Variants in ITPKB observed in about 807,000 individuals in gnomAD.
ITPKB encodes the protein IP3 3-kinase B.
A neutral mutation model predicts 69.4 loss-of-function variants in ITPKB; 13 were observed. The ratio of observed to expected loss-of-function variants is 0.19; its 90% CI spans 0.12 to 0.30. The LOEUF (loss-of-function observed/expected upper bound fraction) is 0.30. Among genes scored for constraint, ITPKB ranks in the 10% least tolerant of loss-of-function variants. The pLI, the probability that ITPKB is intolerant of heterozygous loss-of-function variation, is 1.00. For missense variants in ITPKB, 1,240 were observed against 1,250.5 expected, an observed-to-expected ratio of 0.99 and a Z score of 0.13; for synonymous variants, 584 against 513.7, an observed-to-expected ratio of 1.14 and a Z score of -1.85.
At chr1:226,717,083 G>A (rs990433812) in intron 2 of ITPKB, among the ~76,000 whole-genome samples, 2 of 151,908 alleles carry the variant, frequency 1.3e-5, no homozygotes, top group Admixed American at 6.6e-5. Context: ...GTATATCACC[G>A]GGCAGAAAAA....
At chr1:226,732,102 CAAAAAAAAAAA>C (rs532778037) in intron 2 of ITPKB, among the ~76,000 whole-genome samples, 2 of 76,298 alleles carry the variant, frequency 2.6e-5, no homozygotes, top group African/African-American at 9.3e-5. Flanking sequence ...TAGTCAACAT[CAAAAAAAAAAA>C]AAAAAAAAGC....
Position 226,632,053 on chromosome 1 carries a change from T to G in ITPKB, c.*2618A>C, listed in dbSNP as rs1668740242. The G allele has an allele frequency of 6.6e-6, 1 of 152,316 alleles. No individual in the cohort carries two copies. Among genetic ancestry groups the G allele is most frequent in the Non-Finnish European group, 1.5e-5 (1 of 67,974 alleles). 9.4% of individuals were successfully genotyped at this position (152,316 alleles called of 1,614,324 possible). A position where few individuals can be genotyped will look rare whatever the true frequency, so the allele number is the denominator to read the frequency against. The stretch of plus-strand genomic sequence containing the variant: ...CAAAGCTTTCAAGGAGAAACAAGAG[T>G]CCAGCCTTTCGGTCTTAGTGTTCTG... On this transcript the variant is annotated 3_prime_UTR_variant, in exon 8 of 8. Transcript: ENST00000429204.
chr1:226,658,177 A>G (rs1287517395), intron 2 of ITPKB, among the ~76,000 whole-genome samples: 2 of 152,248 alleles, frequency 1.3e-5, no homozygotes, highest in African/African-American at 4.8e-5. Flanking sequence ...TTTCTAAAAA[A>G]GCAGTTAGGG....
Position 226,634,986 on chromosome 1 carries a change from G to T in ITPKB, c.2626-100C>A, listed in dbSNP as rs1187445165. On this transcript the variant is annotated intron_variant, in intron 7 of 7. Transcript: ENST00000429204. The surrounding 1 kb of genome is among the most constrained non-coding windows in gnomAD (Gnocchi z 6.3). ...TGACCAGGTGGGGAGGCTCGCTCAG[G>T]CCGGACAGTTGGGTGCCTGCAATTC... 2.8e-5 allele frequency: 24 copies of T among 864,918 alleles called. No homozygotes were observed. The highest frequency in any genetic ancestry group is 3.8e-5 in the Non-Finnish European group (21 of 557,568). 53.6% of individuals were successfully genotyped at this position (864,918 alleles called of 1,614,324 possible).
chr1:226,681,581 TA>T (rs199581378), intron 2 of ITPKB, among the ~76,000 whole-genome samples: 1,682 of 152,266 alleles, frequency 0.011, 34 homozygotes, highest in African/African-American at 0.039. Context: ...TACAGAAAAA[TA>T]CCTATATTGA....
chr1:226,716,796 A>G (rs1657107673), intron 2 of ITPKB, among the ~76,000 whole-genome samples: 1 of 152,356 alleles, frequency 6.6e-6, no homozygotes, highest in South Asian at 2.1e-4. Context: ...CTGGGTGGAA[A>G]GCCTGTGGTC....
chr1:226,643,472 G>T (rs1175408715), intron 4 of ITPKB, among the ~76,000 whole-genome samples: 1 of 152,148 alleles, frequency 6.6e-6, no homozygotes, highest in Non-Finnish European at 1.5e-5. Context: ...GCTGCCCACA[G>T]AGGCCCCGCC....
intron 2 of ITPKB, among the ~76,000 whole-genome samples, chr1:226,667,818 T>C (rs1383527679): frequency 7.6e-6 from 1 of 132,136 alleles, no homozygotes; most frequent in Non-Finnish European, 1.6e-5. Context: ...CTTAAAAAGA[T>C]GAGGAAAATG....
chr1:226,640,277 C>T (rs1273122462), intron 5 of ITPKB, among the ~76,000 whole-genome samples: 1 of 152,240 alleles, frequency 6.6e-6, no homozygotes, highest in African/African-American at 2.4e-5. Context: ...CCTGGGCCCT[C>T]ATGTGGGGCT....
chr1:226,692,293 C>T (rs1405645681), intron 2 of ITPKB, among the ~76,000 whole-genome samples: 1 of 151,948 alleles, frequency 6.6e-6, no homozygotes, highest in Admixed American at 6.6e-5. Flanking sequence ...TCCTGCTTGC[C>T]TGGCTTCTAA....
intron 2 of ITPKB, among the ~76,000 whole-genome samples, chr1:226,690,684 C>T (rs1008864772): frequency 6.6e-6 from 1 of 152,194 alleles, no homozygotes; most frequent in East Asian, 1.9e-4. Context: ...CACAGTCGCA[C>T]ACACTTCACT....
intron 2 of ITPKB, among the ~76,000 whole-genome samples, chr1:226,721,348 C>A (rs1403017435): frequency 4.3e-4 from 28 of 64,640 alleles, no homozygotes; most frequent in African/African-American, 8.0e-4. Flanking sequence ...AACTCTGTCT[C>A]AAAAAAAAAA....
At chr1:226,671,241 G>A (rs1361881998) in intron 2 of ITPKB, among the ~76,000 whole-genome samples, 1 of 152,186 alleles carries the variant, frequency 6.6e-6, no homozygotes, top group African/African-American at 2.4e-5. Flanking sequence ...GGGTGGAGGC[G>A]CCTTCCCAAT....
intron 2 of ITPKB, among the ~76,000 whole-genome samples, chr1:226,673,907 G>T: frequency 6.6e-6 from 1 of 152,270 alleles, no homozygotes; most frequent in East Asian, 1.9e-4. Context: ...CTCTGTTACT[G>T]TTCTATTTAA....
chr1:226,703,014 C>A (rs1251453327), intron 2 of ITPKB, among the ~76,000 whole-genome samples: 1 of 152,148 alleles, frequency 6.6e-6, no homozygotes, highest in East Asian at 1.9e-4. Context: ...AGTAAAACAT[C>A]TAAACCAAAT....
At chr1:226,676,789 T>C (rs1304906495) in intron 2 of ITPKB, among the ~76,000 whole-genome samples, 2 of 152,248 alleles carry the variant, frequency 1.3e-5, no homozygotes, top group African/African-American at 4.8e-5. Context: ...AATTTCTAAA[T>C]AAGTTTATCC....
intron 2 of ITPKB, among the ~76,000 whole-genome samples, chr1:226,680,906 A>G (rs1656072821): frequency 6.6e-6 from 1 of 152,062 alleles, no homozygotes; most frequent in Non-Finnish European, 1.5e-5. Context: ...CAACACACAC[A>G]CCCTGTGACT....
rs1657829765 is a variant in ITPKB at position 226,737,435 on chromosome 1, G to A, written c.24C>T (p.Leu8=). Residue 8 remains leucine (L), a synonymous_variant, in exon 2 of 8, where the codon CTC becomes CTT. Coordinates refer to ENST00000429204, the MANE Select transcript of ITPKB (RefSeq NM_002221.4). MAVYCYA[L]NSLVIMNSAN... ...CGCTATTCATGATCACCAGGCTATT[G>A]AGCGCATAGCAGTACACAGCCATAG... The A allele has an allele frequency of 2.5e-6, 4 of 1,611,266 alleles. No homozygotes were observed. Among genetic ancestry groups the A allele is most frequent in the Middle Eastern group, 1.7e-4 (1 of 5,774 alleles).
chr1:226,687,193 A>G (rs1195283422), intron 2 of ITPKB, among the ~76,000 whole-genome samples: 1 of 152,246 alleles, frequency 6.6e-6, no homozygotes, highest in East Asian at 1.9e-4. Context: ...TCAGAGTGGA[A>G]CAAAATAAAA....
Sources: allele counts gnomAD v4.1 joint callset (sites outside exome capture counted in the v4.1 genomes callset), GRCh38; gene constraint gnomAD v4.1.1; non-coding constraint Gnocchi (gnomAD v3.1); transcripts MANE v1.5; gene names NCBI Gene and HGNC (gene_info 2026-07-23, HGNC 2026-07-21).